FGD4: variants seen among roughly 807,000 people sequenced by gnomAD.
FGD4 encodes FYVE, RhoGEF and PH domain containing 4.
In FGD4, 42 loss-of-function variants were observed where a neutral mutation model predicts 102.0. The observed-to-expected ratio is 0.41, with a 90% CI of 0.32 to 0.53. The LOEUF is 0.53. Among genes scored for constraint, FGD4 ranks in the 20% least tolerant of loss-of-function variants. FGD4 has a pLI of 0.21. For synonymous variants in FGD4, 380 were observed against 375.7 expected, an observed-to-expected ratio of 1.01 and a Z score of -0.13; for missense variants, 902 against 1,078.2, an observed-to-expected ratio of 0.84 and a Z score of 2.29.
At chr12:32,402,421 G>A (rs909948329) in intron 1 of FGD4, among the ~76,000 whole-genome samples, 4 of 151,796 alleles carry the variant, frequency 2.6e-5, no homozygotes, top group Non-Finnish European at 5.9e-5. Flanking sequence ...GAGGGAGAGA[G>A]AGAGAGAGAG....
At position 32,602,219 on chromosome 12, in the gene FGD4, T is replaced by C. The variant is rs745754038; in HGVS notation, c.1306T>C (p.Tyr436His). The change falls in exon 7 of 17, where the codon TAT (tyrosine) becomes CAT (histidine). Residue 436 changes from tyrosine to histidine, a missense_variant. Physicochemically the swap from Tyr to His is moderately conservative, Grantham distance 83. This residue lies in a region of FGD4 where 459 missense variants were observed against 619.0 expected (regional missense o/e 0.74). Coordinates refer to ENST00000534526, the MANE Select transcript of FGD4 (RefSeq NM_001370298.3). ...LQKLAPFLKM[Y>H]GEYVKGFDNA... ...GAAATTGGCACCATTCCTTAAGATGTATGGAGAATATGTGAAAGGATTTGA... is the reference window on the plus strand; with the variant it reads ...GAAATTGGCACCATTCCTTAAGATGCATGGAGAATATGTGAAAGGATTTGA... The C allele has an allele frequency of 6.2e-7, 1 of 1,614,076 alleles. No homozygotes were observed. The highest frequency in any genetic ancestry group is 8.5e-7 in the Non-Finnish European group (1 of 1,179,936).
At position 32,413,281 on chromosome 12, in the gene FGD4, A is replaced by T. The variant is rs141958636; in HGVS notation, c.166+13322A>T. 5.0e-3 allele frequency among the ~76,000 whole-genome samples: 756 copies of T among 149,948 alleles called. 5 individuals are homozygous for T. The highest frequency in any genetic ancestry group is 0.014 in the African/African-American group (559 of 39,418). Reference sequence around the variant, plus strand: ...TATCCCAGAACTTAAAGTATATATAAAAAAAATTACCAAAAACCTATTTAT... The same window carrying T: ...TATCCCAGAACTTAAAGTATATATATAAAAAATTACCAAAAACCTATTTAT... On this transcript the variant is annotated intron_variant, in intron 1 of 16. Coordinates refer to ENST00000534526, the MANE Select transcript of FGD4 (RefSeq NM_001370298.3).
At chr12:32,597,943 T>A (rs1948045006) in intron 4 of FGD4, among the ~76,000 whole-genome samples, 2 of 152,176 alleles carry the variant, frequency 1.3e-5, no homozygotes, top group Non-Finnish European at 2.9e-5. Context: ...AGTGGCACAG[T>A]CATGGCTTAC....
intron 1 of FGD4, among the ~76,000 whole-genome samples, chr12:32,443,010 A>G (rs1443904083): frequency 6.6e-6 from 1 of 152,090 alleles, no homozygotes; most frequent in African/African-American, 2.4e-5. Flanking sequence ...TATTTTGCCC[A>G]TGTTTTAATT....
At chr12:32,530,067 A>G (rs1225105855) in intron 1 of FGD4, among the ~76,000 whole-genome samples, 3 of 152,032 alleles carry the variant, frequency 2.0e-5, no homozygotes, top group South Asian at 2.1e-4. Context: ...TTAATCCAGG[A>G]AGTGCAGGTT....
Position 32,472,847 on chromosome 12 carries a change from G to A in FGD4, c.166+72888G>A, listed in dbSNP as rs566938288. On this transcript the variant is annotated intron_variant, in intron 1 of 16. Coordinates refer to ENST00000534526, the MANE Select transcript of FGD4 (RefSeq NM_001370298.3). The stretch of plus-strand genomic sequence containing the variant: ...CCCGTGTTTAGCTCAAGGTTTGTGA[G>A]TGCACCAATCGACACTGTATCTAGC... 6.6e-5 allele frequency among the ~76,000 whole-genome samples: 10 copies of A among 152,264 alleles called. No homozygotes were observed. The East Asian group carries it at 1.9e-3, about 29-fold the overall frequency.
rs1461354699 is a variant in FGD4 at position 32,409,137 on chromosome 12, A to T, written c.166+9178A>T. ...GCTTCAAATTCTGTTTTAAAATGGA[A>T]TCTACCTGCTACCCAATGAGCTACC... On this transcript the variant is annotated intron_variant, in intron 1 of 16. Transcript: ENST00000534526. 2.6e-5 allele frequency among the ~76,000 whole-genome samples: 4 copies of T among 152,318 alleles called. No homozygotes were observed. In the South Asian group the frequency reaches 8.3e-4, roughly 32 times the overall value.
At chr12:32,586,202 T>C in intron 4 of FGD4, among the ~76,000 whole-genome samples, 1 of 152,126 alleles carries the variant, frequency 6.6e-6, no homozygotes, top group East Asian at 1.9e-4. Context: ...CTGAAAACAT[T>C]AGAGACTTTT....
chr12:32,452,009 T>C (rs1942791873), intron 1 of FGD4, among the ~76,000 whole-genome samples: 1 of 151,394 alleles, frequency 6.6e-6, no homozygotes, highest in South Asian at 2.1e-4. Context: ...TGTTTTTTAT[T>C]CTATGCGCTT....
intron 1 of FGD4, among the ~76,000 whole-genome samples, chr12:32,552,221 G>A (rs146110709): frequency 6.6e-6 from 1 of 152,064 alleles, no homozygotes; most frequent in Non-Finnish European, 1.5e-5. Flanking sequence ...AGTAATTTGT[G>A]TACTGTAAAT....
intron 1 of FGD4, among the ~76,000 whole-genome samples, chr12:32,509,199 G>A (rs908926198): frequency 6.6e-6 from 1 of 150,390 alleles, no homozygotes; most frequent in African/African-American, 2.4e-5. Context: ...AAAATACCTC[G>A]ATCTGTTCTG....
At position 32,602,168 on chromosome 12, in the gene FGD4, A is replaced by G; in HGVS notation, c.1255A>G (p.Thr419Ala). The G allele has an allele frequency of 1.2e-6, 2 of 1,613,826 alleles. No homozygotes were observed. The highest frequency in any genetic ancestry group is 1.7e-6 in the Non-Finnish European group (2 of 1,179,984). The change falls in exon 7 of 17, where the codon ACT becomes GCT. Residue 419 changes from threonine to alanine, a missense_variant. This residue lies in a region of FGD4 where 459 missense variants were observed against 619.0 expected (regional missense o/e 0.74). Transcript: ENST00000534526. The part of the protein sequence containing the change: ...LEKRMQEWET[T>A]PRIGDILQKL... ...TTTCTATATTTGATACAGGGAAACT[A>G]CTCCTAGAATTGGAGACATCCTTCA...
intron 1 of FGD4, among the ~76,000 whole-genome samples, chr12:32,561,723 A>C (rs1469518932): frequency 6.6e-6 from 1 of 152,240 alleles, no homozygotes; most frequent in African/African-American, 2.4e-5. Flanking sequence ...TGCATAATAG[A>C]GAACACTGAC....
chr12:32,564,513 C>A (rs1945022861), intron 2 of FGD4, among the ~76,000 whole-genome samples: 1 of 152,166 alleles, frequency 6.6e-6, no homozygotes, highest in Non-Finnish European at 1.5e-5. Context: ...TTTCATGTTG[C>A]TGAAATTGTT....
intron 1 of FGD4, among the ~76,000 whole-genome samples, chr12:32,455,951 T>A (rs931404310): frequency 2.2e-4 from 33 of 152,154 alleles, no homozygotes; most frequent in African/African-American, 7.5e-4. Flanking sequence ...AGTAGTAGCA[T>A]AACAATAGAA....
At chr12:32,452,590 A>G (rs1165246509) in intron 1 of FGD4, among the ~76,000 whole-genome samples, 1 of 152,218 alleles carries the variant, frequency 6.6e-6, no homozygotes, top group Non-Finnish European at 1.5e-5. Context: ...CAGTGATCAC[A>G]TGGTAGGTGA....
At position 32,640,496 on chromosome 12, in the gene FGD4, A is replaced by T; in HGVS notation, c.2675A>T (p.Asp892Val). 1.2e-6 allele frequency: 2 copies of T among 1,614,084 alleles called. No homozygotes were observed. Residue 892 changes from aspartate (D) to valine (V), a missense_variant, in exon 17 of 17, where the codon GAT becomes GTT. Coordinates refer to ENST00000534526, the MANE Select transcript of FGD4 (RefSeq NM_001370298.3). ...CCAAATGAGCATCCAGCCACCTTGG[A>T]TGATCATCCTGAACCTAAGAAAAAA... ...GGPNEHPATL[D>V]DHPEPKKKSE...
At chr12:32,509,396 G>T (rs1409015136) in intron 1 of FGD4, among the ~76,000 whole-genome samples, 1 of 151,932 alleles carries the variant, frequency 6.6e-6, no homozygotes, top group African/African-American at 2.4e-5. Context: ...GAAGTCCTCA[G>T]GTGGTTAGTC....
At chr12:32,548,049 AT>A (rs939432877) in intron 1 of FGD4, among the ~76,000 whole-genome samples, 17 of 152,202 alleles carry the variant, frequency 1.1e-4, no homozygotes, top group Admixed American at 8.5e-4. Context: ...CAGGATAAAT[AT>A]TTTTTAGTAT....
Sources: allele counts gnomAD v4.1 joint callset (sites outside exome capture counted in the v4.1 genomes callset), GRCh38; gene constraint gnomAD v4.1.1; regional missense constraint gnomAD v4.1.1; transcripts MANE v1.5; gene names NCBI Gene and HGNC (gene_info 2026-07-23, HGNC 2026-07-21).